The following PEMT variants were observed in gnomAD, a reference collection of about 807,000 sequenced individuals.
The protein encoded by PEMT is phospholipid methyltransferase.
A neutral mutation model predicts 27.4 loss-of-function variants in PEMT; 23 were observed. That is an observed-to-expected ratio of 0.84 (90% CI 0.60 to 1.19). The LOEUF is 1.19. Ranked by LOEUF, PEMT falls within the 50% of genes most tolerant of loss-of-function variation. PEMT has a pLI of 0.00. For synonymous variants in PEMT, 137 were observed against 139.1 expected (o/e 0.98, Z 0.11); for missense variants, 307 against 310.1 (o/e 0.99, Z 0.07).
At chr17:17,544,181 TA>T (rs1202219013) in intron 2 of PEMT, among the ~76,000 whole-genome samples, 1 of 152,098 alleles carries the variant, frequency 6.6e-6, no homozygotes, top group African/African-American at 2.4e-5. Flanking sequence ...AACTTTATTT[TA>T]TATAAGGAAA....
At position 17,509,431 on chromosome 17, in the gene PEMT, C is replaced by T; in HGVS notation, c.578+3G>A. 6.2e-7 allele frequency: 1 copy of T among 1,600,736 alleles called. No homozygotes were observed. Reference sequence around the variant, plus strand: ...GCAGAGGGGTGGCAAGCCTGGTACTCACATGATGGCCCAGCCCAGGTAGTT... The same window carrying T: ...GCAGAGGGGTGGCAAGCCTGGTACTTACATGATGGCCCAGCCCAGGTAGTT... On this transcript the variant is annotated splice_donor_region_variant and intron_variant, in intron 5 of 6. Coordinates refer to ENST00000255389, the MANE Select transcript of PEMT (RefSeq NM_148172.3).
intron 2 of PEMT, among the ~76,000 whole-genome samples, chr17:17,559,467 T>C (rs899109565): frequency 2.0e-5 from 3 of 151,932 alleles, no homozygotes; most frequent in African/African-American, 7.3e-5. Flanking sequence ...GAACCCGCTG[T>C]GAAGGGGGCC....
intron 2 of PEMT, among the ~76,000 whole-genome samples, chr17:17,557,089 C>T (rs573919754): frequency 6.6e-6 from 1 of 152,184 alleles, no homozygotes; most frequent in African/African-American, 2.4e-5. Flanking sequence ...AGGTCAGATG[C>T]CTGCCTGGCA....
In PEMT at chr17:17,591,016, T is replaced by C. The variant is rs926804242; in HGVS notation, c.96+515A>G. ...GGGAGACAGGCAGGGTCCCCACCAC[T>C]CTCTTGCCTCTGGGCAAAAGCTGGC... On this transcript the variant is annotated intron_variant, in intron 1 of 6. Transcript: ENST00000255389. Among the ~76,000 whole-genome samples the C allele has an allele frequency of 1.1e-4, 16 of 151,954 alleles. 1 individual carries two copies. Among genetic ancestry groups the C allele is most frequent in the Admixed American group, 7.9e-4 (12 of 15,264 alleles).
intron 3 of PEMT, among the ~76,000 whole-genome samples, chr17:17,520,097 C>T (rs985529390): frequency 6.6e-6 from 1 of 152,200 alleles, no homozygotes; most frequent in Admixed American, 6.5e-5. Flanking sequence ...CTCGCTGTTC[C>T]TGTGGGGGGA....
intron 1 of PEMT, among the ~76,000 whole-genome samples, chr17:17,586,279 AG>A (rs71355551): frequency 0.031 from 3,420 of 110,942 alleles, 220 homozygotes; most frequent in Non-Finnish European, 0.041. Flanking sequence ...AAAGAAAGAA[AG>A]AAAGAAAGAA....
intron 2 of PEMT, among the ~76,000 whole-genome samples, chr17:17,555,141 G>A (rs1909959698): frequency 6.6e-6 from 1 of 152,132 alleles, no homozygotes; most frequent in African/African-American, 2.4e-5. Flanking sequence ...CCATTTAACA[G>A]AGGAGGAAAC....
chr17:17,541,745 CG>C (rs1908899854), intron 2 of PEMT, among the ~76,000 whole-genome samples: 1 of 152,208 alleles, frequency 6.6e-6, no homozygotes, highest in South Asian at 2.1e-4. Context: ...CCTCAGCGAC[CG>C]GGGCCTGCCC....
At chr17:17,540,865 G>A (rs1213621493) in intron 2 of PEMT, among the ~76,000 whole-genome samples, 1 of 152,222 alleles carries the variant, frequency 6.6e-6, no homozygotes, top group African/African-American at 2.4e-5. Context: ...AGCACCTCAA[G>A]GCATACAACA....
intron 2 of PEMT, among the ~76,000 whole-genome samples, chr17:17,529,591 G>A (rs952957777): frequency 1.1e-4 from 17 of 152,160 alleles, no homozygotes; most frequent in Non-Finnish European, 2.4e-4. Flanking sequence ...CCCACTTCCA[G>A]ACAACCTGCA....
At chr17:17,589,917 A>T (rs1026659757) in intron 1 of PEMT, among the ~76,000 whole-genome samples, 5 of 152,166 alleles carry the variant, frequency 3.3e-5, no homozygotes, top group African/African-American at 1.2e-4. Context: ...AGCCCTGGGG[A>T]GAAAGGAGAA....
chr17:17,591,386 T>TC, intron 1 of PEMT, 145 bp downstream of exon 1: 50 of 685,214 alleles, frequency 7.3e-5, no homozygotes, highest in East Asian at 1.2e-4. Context: ...CGCACGCGGC[T>TC]CCCCCACCCC....
chr17:17,535,917 C>T (rs940620911), intron 2 of PEMT, among the ~76,000 whole-genome samples: 4 of 152,368 alleles, frequency 2.6e-5, no homozygotes, highest in Admixed American at 2.0e-4. Flanking sequence ...CCCAACTTCC[C>T]TAAGGGTGAC....
chr17:17,531,336 GT>G (rs71926466), intron 2 of PEMT, among the ~76,000 whole-genome samples: 20,006 of 149,660 alleles, frequency 0.13, 2,362 homozygotes, highest in African/African-American at 0.32. Flanking sequence ...TTCTGAAATG[GT>G]TTTTTTTTTC....
intron 3 of PEMT, among the ~76,000 whole-genome samples, chr17:17,519,284 G>C (rs1907090398): frequency 6.6e-6 from 1 of 152,136 alleles, no homozygotes; most frequent in African/African-American, 2.4e-5. Flanking sequence ...GCACACCTCT[G>C]CCTCTGAACA....
chr17:17,511,450 G>A (rs543150005), intron 4 of PEMT, among the ~76,000 whole-genome samples: 1 of 152,336 alleles, frequency 6.6e-6, no homozygotes, highest in South Asian at 2.1e-4. Context: ...GCAGGCACAA[G>A]CTCCTTGAGA....
intron 2 of PEMT, among the ~76,000 whole-genome samples, chr17:17,525,325 C>T (rs1335057894): frequency 1.3e-5 from 2 of 152,208 alleles, no homozygotes; most frequent in Non-Finnish European, 2.9e-5. Context: ...GGAAACCACG[C>T]CTTGCCTCCC....
intron 1 of PEMT, among the ~76,000 whole-genome samples, chr17:17,590,669 T>C (rs1912541985): frequency 6.6e-6 from 1 of 152,146 alleles, no homozygotes; most frequent in African/African-American, 2.4e-5. Context: ...GAGTAAGGAA[T>C]GAAGGGAGCG....
rs199894232 is a variant in PEMT, at chr17:17,509,561, G to A, written c.467-16C>T. ...AAGTAATCACCTGTGGATGAGGCAA[G>A]GCAGGGTCCCTCGGCTATTCATCAG... On this transcript the variant is annotated splice_polypyrimidine_tract_variant and intron_variant, in intron 4 of 6. Coordinates refer to ENST00000255389, the MANE Select transcript of PEMT (RefSeq NM_148172.3). The A allele has an allele frequency of 1.4e-5, 22 of 1,559,890 alleles. No homozygotes were observed. The East Asian group carries it at 4.7e-4, about 33-fold the overall frequency.
Sources: gnomAD v4.1 joint callset for allele counts (sites outside exome capture counted in the v4.1 genomes callset) on GRCh38, gnomAD v4.1.1 for gene constraint, MANE v1.5 for transcripts, NCBI Gene and HGNC (gene_info 2026-07-23, HGNC 2026-07-21) for gene names.